The following SATL1 variants were observed in gnomAD, a reference collection of about 807,000 sequenced individuals.
SATL1 encodes the protein spermidine/spermine N(1)-acetyltransferase-like protein 1.
A neutral mutation model predicts 51.8 loss-of-function variants in SATL1; 47 were observed. The observed-to-expected ratio is 0.91, with a 90% confidence interval of 0.72 to 1.16. The LOEUF is 1.16. Ranked by LOEUF, SATL1 falls within the 50% of genes most tolerant of loss-of-function variation. The pLI, the probability that SATL1 is intolerant of heterozygous loss-of-function variation, is 0.00. For missense variants in SATL1, 520 were observed against 526.4 expected (o/e 0.99, Z 0.12); for synonymous variants, 176 against 182.4 (o/e 0.97, Z 0.28).
At chrX:85,149,046 T>C (rs184982366) in intron 2 of SATL1, among the ~76,000 whole-genome samples, 1,604 of 111,433 alleles carry the variant, frequency 0.014, 10 homozygotes, top group Non-Finnish European at 0.021. Flanking sequence ...TCAAGACCCA[T>C]CAGTGTGCTG....
At chrX:85,110,295 G>A (rs1387164336) in intron 2 of SATL1, among the ~76,000 whole-genome samples, 1 of 111,333 alleles carries the variant, frequency 9.0e-6, no homozygotes, top group African/African-American at 3.3e-5. Flanking sequence ...ATATCTGTGA[G>A]GTCAGGCATT....
chrX:85,184,047 T>A (rs1927263183), intron 2 of SATL1, among the ~76,000 whole-genome samples: 1 of 111,919 alleles, frequency 8.9e-6, no homozygotes. Context: ...GTGAAGTTTG[T>A]CTTTCTGTTC....
intron 2 of SATL1, among the ~76,000 whole-genome samples, chrX:85,128,861 A>T (rs1037692380): frequency 8.9e-6 from 1 of 112,238 alleles, no homozygotes; most frequent in Non-Finnish European, 1.9e-5. Flanking sequence ...AGCTTTCTAC[A>T]TATGACTAGC....
chrX:85,169,603 A>G (rs1344379327), intron 2 of SATL1, among the ~76,000 whole-genome samples: 1 of 111,981 alleles, frequency 8.9e-6, no homozygotes, highest in Non-Finnish European at 1.9e-5. Context: ...AATGTCTATT[A>G]TTAAAAAGTC....
At chrX:85,188,135 A>G (rs1026656377) in intron 2 of SATL1, among the ~76,000 whole-genome samples, 1 of 111,882 alleles carries the variant, frequency 8.9e-6, no homozygotes, top group Non-Finnish European at 1.9e-5. Context: ...CCTTGCATGC[A>G]AAGAAATGCT....
intron 2 of SATL1, among the ~76,000 whole-genome samples, chrX:85,167,845 C>T (rs760086140): frequency 1.8e-5 from 2 of 110,977 alleles, no homozygotes; most frequent in South Asian, 7.7e-4. Flanking sequence ...AACTTCAGGC[C>T]TATATCCTTG....
chrX:85,129,277 G>T (rs757875514), intron 2 of SATL1, among the ~76,000 whole-genome samples: 8 of 112,090 alleles, frequency 7.1e-5, no homozygotes, highest in Non-Finnish European at 1.3e-4. Context: ...TCCTATCCAT[G>T]AGCATGGAAT....
chrX:85,175,012 T>C (rs1927056073), intron 2 of SATL1, among the ~76,000 whole-genome samples: 2 of 110,624 alleles, frequency 1.8e-5, no homozygotes, highest in Non-Finnish European at 3.8e-5. Flanking sequence ...TGAAGGAGAG[T>C]TGGAATAATT....
chrX:85,114,866 T>C (rs1925346983), intron 2 of SATL1, among the ~76,000 whole-genome samples: 1 of 112,400 alleles, frequency 8.9e-6, no homozygotes, highest in Non-Finnish European at 1.9e-5. Flanking sequence ...TATAAAACTT[T>C]TATAACCCTT....
chrX:85,225,017 T>A (rs760831076), intron 1 of SATL1, among the ~76,000 whole-genome samples: 67 of 110,777 alleles, frequency 6.0e-4, no homozygotes, highest in Non-Finnish European at 1.2e-3. Flanking sequence ...AAAAAGACAA[T>A]CCCCAAAGGT....
chrX:85,234,793 G>A (rs931158327), intron 1 of SATL1, among the ~76,000 whole-genome samples: 11 of 110,987 alleles, frequency 9.9e-5, no homozygotes, highest in African/African-American at 3.0e-4. Context: ...AGGGAGGAAA[G>A]AAGGACGAGA....
At chrX:85,211,595 A>C (rs1290891053) in intron 2 of SATL1, 1 of 111,414 alleles carries the variant, frequency 9.0e-6, no homozygotes. Context: ...TGTTTTTCAA[A>C]CTATGACAAT....
chrX:85,168,039 G>A (rs1926885464), intron 2 of SATL1, among the ~76,000 whole-genome samples: 1 of 109,946 alleles, frequency 9.1e-6, no homozygotes, highest in Admixed American at 9.7e-5. Flanking sequence ...AAAAACACAT[G>A]ATTGTCTCAA....
chrX:85,119,651 A>G (rs1925462310), intron 2 of SATL1, among the ~76,000 whole-genome samples: 1 of 111,146 alleles, frequency 9.0e-6, no homozygotes, highest in Non-Finnish European at 1.9e-5. Flanking sequence ...GCCTAGAAAA[A>G]GGCCCTATTT....
chrX:85,135,761 A>ATTTTTTTTTT (rs1569234174), intron 2 of SATL1, among the ~76,000 whole-genome samples: 1 of 102,534 alleles, frequency 9.8e-6, no homozygotes, highest in Non-Finnish European at 2.0e-5. Flanking sequence ...TGTACTTTTC[A>ATTTTTTTTTT]TAGAGATGGG....
At chrX:85,102,031 A>G (rs961142062) in intron 4 of SATL1, among the ~76,000 whole-genome samples, 2 of 107,858 alleles carry the variant, frequency 1.9e-5, no homozygotes, top group Non-Finnish European at 3.8e-5. Context: ...GAGGTCGGCA[A>G]TGGGGATTTA....
chrX:85,132,993 C>T (rs895992972), intron 2 of SATL1, among the ~76,000 whole-genome samples: 1 of 111,843 alleles, frequency 8.9e-6, no homozygotes, highest in Non-Finnish European at 1.9e-5. Flanking sequence ...GGCTGCAGAA[C>T]AGCAAATATT....
intron 2 of SATL1, chrX:85,219,105 A>G (rs1275738568): frequency 8.9e-6 from 1 of 112,145 alleles, no homozygotes; most frequent in Admixed American, 9.5e-5. Context: ...GAGAAACAAC[A>G]CATTGGATAC....
chrX:85,168,209 C>T (rs1338792203), intron 2 of SATL1, among the ~76,000 whole-genome samples: 2 of 110,858 alleles, frequency 1.8e-5, no homozygotes, highest in African/African-American at 6.5e-5. Context: ...AAGTGTTCCC[C>T]TTGAAAAATC....
Sources: allele counts gnomAD v4.1 joint callset (sites outside exome capture counted in the v4.1 genomes callset), GRCh38; gene constraint gnomAD v4.1.1; transcripts MANE v1.5; gene names NCBI Gene and HGNC (gene_info 2026-07-23, HGNC 2026-07-21).